MAPK12: variants seen among roughly 807,000 people sequenced by gnomAD.
MAPK12 encodes the protein MAP kinase 12.
In MAPK12, 49 loss-of-function variants were observed where a neutral mutation model predicts 49.1. The observed-to-expected ratio is 1.00, with a 90% CI of 0.79 to 1.27. MAPK12 has a LOEUF of 1.27. Among genes scored for constraint, MAPK12 ranks in the 50% most tolerant of loss-of-function variants. The probability of loss-of-function intolerance (pLI) is 0.00; values close to 1 mark genes in which losing one functional copy is unlikely to be tolerated. For synonymous variants in MAPK12, 251 were observed against 209.7 expected (o/e 1.20, Z -1.70); for missense variants, 554 against 502.4 (o/e 1.10, Z -0.98).
chr22:50,253,668 A>T, intron 11 of MAPK12, 188 bp from the exon 12 acceptor site: 9 of 595,552 alleles, frequency 1.5e-5, no homozygotes, highest in East Asian at 5.6e-5. Flanking sequence ...TTCCAGGGAA[A>T]GGGGAGGTGG....
chr22:50,253,159 G>C lies in MAPK12; in HGVS notation c.*242C>G. On this transcript the variant is annotated 3_prime_UTR_variant, in exon 12 of 12. Coordinates refer to ENST00000215659, the MANE Select transcript of MAPK12 (RefSeq NM_002969.6). Reference sequence around the variant, plus strand: ...ACCGGGCAAGTGGGCCACTGCTCCAGGGATCAGAGGCCATCCCCAGGTCGG... The same window carrying C: ...ACCGGGCAAGTGGGCCACTGCTCCACGGATCAGAGGCCATCCCCAGGTCGG... 1 of 550,942 alleles carries C rather than the reference G, an allele frequency of 1.8e-6. No individual in the cohort carries two copies. Among genetic ancestry groups the C allele is most frequent in the Non-Finnish European group, 3.3e-6 (1 of 304,120 alleles). The allele number at this position is 550,942 out of a possible 1,614,324, so 34.1% of individuals were successfully genotyped here. A position where few individuals can be genotyped will look rare whatever the true frequency, so the allele number is the denominator to read the frequency against.
intron 11 of MAPK12, 39 bp from the exon 12 acceptor site, chr22:50,253,519 GT>G: frequency 1.1e-6 from 1 of 942,688 alleles, no homozygotes; most frequent in Non-Finnish European, 1.7e-6. Flanking sequence ...AGAGAGGGGG[GT>G]CAGCCTTTGC....
In MAPK12 at chr22:50,253,490, G is replaced by A; in HGVS notation, c.1025-10C>T. The A allele has an allele frequency of 1.7e-6, 1 of 592,870 alleles. No homozygotes were observed. Among genetic ancestry groups the A allele is most frequent in the Admixed American group, 2.4e-5 (1 of 41,988 alleles). The allele number at this position is 592,870 out of a possible 1,614,324, so 36.7% of individuals were successfully genotyped here. ...TCTTTGTAAGTAACACCTGGCGGGG[G>A]TGGGGGGGCGGGCACAACAGAGAGG... On this transcript the variant is annotated splice_polypyrimidine_tract_variant and intron_variant, in intron 11 of 11. Transcript: ENST00000215659.
At position 50,253,312 on chromosome 22, in the gene MAPK12, C is replaced by G. The variant is rs1456088942; in HGVS notation, c.*89G>C. Reference sequence around the variant, plus strand: ...TCTGATGGATGCCTTGGGATGCAAGCCCCAGCCAAGGTCAAGGTGGCAACG... The same window carrying G: ...TCTGATGGATGCCTTGGGATGCAAGGCCCAGCCAAGGTCAAGGTGGCAACG... On this transcript the variant is annotated 3_prime_UTR_variant, in exon 12 of 12. Transcript: ENST00000215659. The G allele has an allele frequency of 4.1e-6, 4 of 969,334 alleles. No individual in the cohort carries two copies. In the African/African-American group the frequency reaches 6.5e-5, roughly 16 times the overall value. The allele number at this position is 969,334 out of a possible 1,614,324, so 60.0% of individuals were successfully genotyped here. A position where few individuals can be genotyped will look rare whatever the true frequency, so the allele number is the denominator to read the frequency against.
Position 50,261,002 on chromosome 22 carries a change from G to C in MAPK12, c.255+165C>G, listed in dbSNP as rs1241345924. On this transcript the variant is annotated intron_variant, in intron 2 of 11. Transcript: ENST00000215659. ...GCCCTTGGGGGAGTCGTCTCCCAAGGAGAGACAGGCCTTGCTCTCCTTCTC... is the reference window on the plus strand; with the variant it reads ...GCCCTTGGGGGAGTCGTCTCCCAAGCAGAGACAGGCCTTGCTCTCCTTCTC... 3.9e-6 allele frequency: 3 copies of C among 776,562 alleles called. No homozygotes were observed. The African/African-American group carries it at 5.6e-5, about 15-fold the overall frequency. The allele number at this position is 776,562 out of a possible 1,614,324, so 48.1% of individuals were successfully genotyped here.
At chr22:50,256,881 C>G in intron 5 of MAPK12, 54 bp downstream of exon 5, 1 of 1,586,916 alleles carries the variant, frequency 6.3e-7, no homozygotes, top group African/African-American at 1.3e-5. Context: ...GACGTGGAGG[C>G]GGGGGGATTG....
In MAPK12 at chr22:50,257,278, C is replaced by T. The variant is rs111326730; in HGVS notation, c.315-85G>A. 695 of 1,059,854 alleles carry T rather than the reference C, an allele frequency of 6.6e-4. 4 individuals carry two copies. In the African/African-American group the frequency reaches 8.4e-3, roughly 13 times the overall value. The allele number at this position is 1,059,854 out of a possible 1,614,324, so 65.7% of individuals were successfully genotyped here. The stretch of plus-strand genomic sequence containing the variant: ...CACCCAGCAGGCCCAGGCTCAGACC[C>T]GTCCCGGATCCAACAGGCACCCCCA... On this transcript the variant is annotated intron_variant, in intron 3 of 11. Coordinates refer to ENST00000215659, the MANE Select transcript of MAPK12 (RefSeq NM_002969.6).
intron 2 of MAPK12, chr22:50,260,870 G>A: frequency 3.7e-6 from 1 of 272,618 alleles, no homozygotes; most frequent in Non-Finnish European, 7.0e-6. Context: ...CGTGAGACCT[G>A]GAGGATCCCC....
At position 50,253,097 on chromosome 22, in the gene MAPK12, G is replaced by C. The variant is rs1020288965; in HGVS notation, c.*304C>G. 1 of 445,326 alleles carries C rather than the reference G, an allele frequency of 2.2e-6. No homozygotes were observed. Among genetic ancestry groups the C allele is most frequent in the Non-Finnish European group, 4.2e-6 (1 of 238,442 alleles). The allele number at this position is 445,326 out of a possible 1,614,324, so 27.6% of individuals were successfully genotyped here. ...AGGCAGGGCTCAGAGGCCAAGGCCT[G>C]ATCTGGAGCCCCACCAGCTCTGAGG... On this transcript the variant is annotated 3_prime_UTR_variant, in exon 12 of 12. Transcript: ENST00000215659.
Position 50,255,356 on chromosome 22 carries a change from C to CCAGGAGGTTCACAA in MAPK12, c.864_865insTTGTGAACCTCCTG (p.Glu289LeufsTer2). On this transcript the variant is annotated stop_gained and frameshift_variant, in exon 11 of 12. Coordinates refer to ENST00000215659, the MANE Select transcript of MAPK12 (RefSeq NM_002969.6). LOFTEE classifies it high-confidence loss of function. ...TCCGCGTCCAGCACCAGCATCTTCT[C>CCAGGAGGTTCACAA]CAGGAGGTTCACAGCTGCGGGGGAA... 1 of 1,613,338 alleles carries CCAGGAGGTTCACAA rather than the reference C, an allele frequency of 6.2e-7. No homozygotes were observed. The highest frequency in any genetic ancestry group is 8.5e-7 in the Non-Finnish European group (1 of 1,179,894).
At chr22:50,256,523 C>A in intron 6 of MAPK12, 76 bp downstream of exon 6, 2 of 1,544,196 alleles carry the variant, frequency 1.3e-6, no homozygotes, top group Non-Finnish European at 8.8e-7. Flanking sequence ...CTGCCCAGGC[C>A]TGACAGGTGG....
At chr22:50,260,831 C>G (rs1240262651) in intron 2 of MAPK12, 1 of 197,054 alleles carries the variant, frequency 5.1e-6, no homozygotes, top group Admixed American at 6.1e-5. Context: ...GCTCTCACCG[C>G]GGGCTTCCTG....
In MAPK12 at chr22:50,256,948, C is replaced by A; in HGVS notation, c.443G>T (p.Gly148Val). 6.2e-7 allele frequency: 1 copy of A among 1,606,108 alleles called. No individual in the cohort carries two copies. Among genetic ancestry groups the A allele is most frequent in the Non-Finnish European group, 8.5e-7 (1 of 1,178,112 alleles). Residue 148 changes from glycine to valine, a missense_variant, in exon 5 of 12, where the codon GGC becomes GTC. By Grantham distance (109) the Gly-to-Val change is moderately radical. Transcript: ENST00000215659. ...LKGLRYIHAA[G>V]IIHRDLKPGN... Reference sequence around the variant, plus strand: ...ACCGGGACTCACTCTGTGGATGATGCCGGCAGCGTGGATATACTGCGGGGG... The same window carrying A: ...ACCGGGACTCACTCTGTGGATGATGACGGCAGCGTGGATATACTGCGGGGG...
chr22:50,261,035 G>T, intron 2 of MAPK12, 132 bp downstream of exon 2: 1 of 1,069,560 alleles, frequency 9.3e-7, no homozygotes, highest in South Asian at 1.8e-5. Context: ...CTCCCCTGGG[G>T]ACCCACGGCC....
chr22:50,255,216 G>A lies in MAPK12; in HGVS notation c.1005C>T (p.Arg335=). The part of the protein sequence containing the change: ...KYDDSFDDVD[R]TLDEWKRVTY... ...ACTCACGCTTCCATTCATCCAGTGT[G>A]CGGTCAACGTCGTCAAAGGAGTCAT... The change falls in exon 11 of 12, where the codon CGC becomes CGT. Residue 335 remains arginine (R), a synonymous_variant. Coordinates refer to ENST00000215659, the MANE Select transcript of MAPK12 (RefSeq NM_002969.6). The A allele has an allele frequency of 6.2e-7, 1 of 1,613,862 alleles. No individual in the cohort carries two copies. Among genetic ancestry groups the A allele is most frequent in the Non-Finnish European group, 8.5e-7 (1 of 1,179,990 alleles).
intron 9 of MAPK12, 37 bp downstream of exon 9, chr22:50,255,578 G>GGCCCCCCC: frequency 1.3e-6 from 2 of 1,582,004 alleles, no homozygotes; most frequent in East Asian, 2.3e-5. Flanking sequence ...GCCCAGGTCC[G>GGCCCCCCC]CCCCCACCCC....
In MAPK12 at chr22:50,256,548, C is replaced by G. The variant is rs368049532; in HGVS notation, c.504+51G>C. On this transcript the variant is annotated intron_variant, in intron 6 of 11. Transcript: ENST00000215659. The stretch of plus-strand genomic sequence containing the variant: ...CTGACAGGTGGATAGATGGGCAGAT[C>G]CAGAGGGGGCCCCTGCCCCACCTCA... 1.7e-4 allele frequency: 268 copies of G among 1,589,370 alleles called. 2 individuals are homozygous for G. In the Admixed American group the frequency reaches 4.4e-3, roughly 26 times the overall value.
Position 50,261,620 on chromosome 22 carries a change from T to TCGCC in MAPK12, c.-115_-112dup, listed in dbSNP as rs1035493036. 86 of 953,204 alleles carry TCGCC rather than the reference T, an allele frequency of 9.0e-5. No individual in the cohort carries two copies. The East Asian group carries it at 3.5e-3, about 39-fold the overall frequency. The allele number at this position is 953,204 out of a possible 1,614,324, so 59.0% of individuals were successfully genotyped here. On this transcript the variant is annotated 5_prime_UTR_variant, in exon 1 of 12. Coordinates refer to ENST00000215659, the MANE Select transcript of MAPK12 (RefSeq NM_002969.6). ...GGCCGGCTCCGCGCCGCTCGTCCGC[T>TCGCC]CGCCCGCCCGCCCGCCGGCCGCTGG...
rs1159855321 is a variant in MAPK12 at position 50,261,502 on chromosome 22, G to C, written c.8C>G (p.Ser3Cys). ...AAAGCCACTGCGGGCGGGCGGCGGAGAGCTCATGGCAGGCCCGGGAGCTGC... is the reference window on the plus strand; with the variant it reads ...AAAGCCACTGCGGGCGGGCGGCGGACAGCTCATGGCAGGCCCGGGAGCTGC... MSSPPPARSGFYR... is the reference protein window; with the variant it reads MSCPPPARSGFYR... The change falls in exon 1 of 12, where the codon TCT becomes TGT. Residue 3 changes from serine (S) to cysteine (C), a missense_variant. By Grantham distance (112) the Ser-to-Cys change is moderately radical (BLOSUM62 -1). Transcript: ENST00000215659. 8.1e-7 allele frequency: 1 copy of C among 1,239,450 alleles called. No homozygotes were observed. Among genetic ancestry groups the C allele is most frequent in the Middle Eastern group, 3.0e-4 (1 of 3,382 alleles). The allele number at this position is 1,239,450 out of a possible 1,614,324, so 76.8% of individuals were successfully genotyped here.
Sources: gnomAD v4.1 joint callset for allele counts on GRCh38, gnomAD v4.1.1 for gene constraint, MANE v1.5 for transcripts, NCBI Gene and HGNC (gene_info 2026-07-23, HGNC 2026-07-21) for gene names.